Variants in LARS2 observed in about 807,000 individuals in gnomAD.
The protein encoded by LARS2 is leucyl-tRNA synthetase 2, mitochondrial, also known as leucine--tRNA ligase, mitochondrial.
Under a neutral mutation model 116.6 loss-of-function variants are expected in LARS2, and 81 were observed. The observed-to-expected ratio is 0.69, with a 90% CI of 0.58 to 0.84. The LOEUF (loss-of-function observed/expected upper bound fraction) is 0.84, where lower values mean the gene tolerates loss of function less well. Ranked by LOEUF, LARS2 falls within the 40% of genes least tolerant of loss-of-function variation. LARS2 has a pLI of 0.00. For synonymous variants in LARS2, 396 were observed against 407.2 expected (o/e 0.97, Z 0.33); for missense variants, 968 against 1,114.5 (o/e 0.87, Z 1.87).
chr3:45,497,234 T>C (rs573144864), intron 14 of LARS2, among the ~76,000 whole-genome samples: 48 of 152,278 alleles, frequency 3.2e-4, no homozygotes, highest in African/African-American at 1.1e-3. Context: ...CTGTTTTTCA[T>C]TGTAAATCTT....
rs554625114 is a variant in LARS2 at position 45,499,423 on chromosome 3, C to T, written c.1623-1019C>T. On this transcript the variant is annotated intron_variant, in intron 14 of 21. Coordinates refer to ENST00000645846, the MANE Select transcript of LARS2 (RefSeq NM_015340.4). ...CGCCCCTGCAACCGAGCCTGGGTGACAGAGCGAGACTCCGTCTCAAAAAGA... is the reference window on the plus strand; with the variant it reads ...CGCCCCTGCAACCGAGCCTGGGTGATAGAGCGAGACTCCGTCTCAAAAAGA... Among the ~76,000 whole-genome samples, 13 of 151,762 alleles carry T rather than the reference C, an allele frequency of 8.6e-5. No individual in the cohort carries two copies. In the South Asian group the frequency reaches 1.9e-3, roughly 22 times the overall value.
At chr3:45,496,016 C>T (rs940908066) in intron 13 of LARS2, among the ~76,000 whole-genome samples, 3 of 152,238 alleles carry the variant, frequency 2.0e-5, no homozygotes, top group East Asian at 3.9e-4. Flanking sequence ...CACGCCACGA[C>T]GCCCAGCTAA....
At chr3:45,493,263 C>T (rs529962186) in intron 13 of LARS2, among the ~76,000 whole-genome samples, 1 of 152,240 alleles carries the variant, frequency 6.6e-6, no homozygotes, top group Non-Finnish European at 1.5e-5. Flanking sequence ...CCAAGCCCGG[C>T]TAATTTTTTG....
intron 21 of LARS2, among the ~76,000 whole-genome samples, chr3:45,543,561 T>TA (rs889523793): frequency 6.6e-6 from 1 of 152,028 alleles, no homozygotes; most frequent in Non-Finnish European, 1.5e-5. Context: ...AACCTCCACT[T>TA]ACAGCAATTC....
intron 13 of LARS2, among the ~76,000 whole-genome samples, chr3:45,495,913 G>A (rs534112764): frequency 6.6e-6 from 1 of 151,672 alleles, no homozygotes; most frequent in African/African-American, 2.4e-5. Context: ...AGGGTGGAGT[G>A]CAATGGCACG....
At chr3:45,433,765 A>C (rs1180568516) in intron 6 of LARS2, among the ~76,000 whole-genome samples, 1 of 152,106 alleles carries the variant, frequency 6.6e-6, no homozygotes, top group Non-Finnish European at 1.5e-5. Flanking sequence ...TTCTTTAGCC[A>C]TTCCTTTAGA....
chr3:45,476,958 T>C (rs1168525859), intron 10 of LARS2, among the ~76,000 whole-genome samples: 1 of 152,186 alleles, frequency 6.6e-6, no homozygotes, highest in Non-Finnish European at 1.5e-5. Flanking sequence ...CTATTAGGAA[T>C]AGAATCTTCT....
chr3:45,441,321 G>GGCCC (rs1442724091), intron 6 of LARS2, among the ~76,000 whole-genome samples: 1 of 152,124 alleles, frequency 6.6e-6, no homozygotes, highest in East Asian at 1.9e-4. Flanking sequence ...CATTGCACCC[G>GGCCC]GCCCATCACA....
chr3:45,516,575 C>T (rs971459215), intron 17 of LARS2, among the ~76,000 whole-genome samples: 1 of 152,176 alleles, frequency 6.6e-6, no homozygotes, highest in Non-Finnish European at 1.5e-5. Context: ...TGAACAAGCT[C>T]AGCGGTGATT....
intron 4 of LARS2, among the ~76,000 whole-genome samples, chr3:45,406,993 G>A (rs1327701898): frequency 3.3e-5 from 5 of 152,194 alleles, no homozygotes; most frequent in African/African-American, 1.2e-4. Flanking sequence ...TTCTGGTCCA[G>A]AAGCCGGGTG....
intron 20 of LARS2, among the ~76,000 whole-genome samples, chr3:45,526,112 ATCT>A (rs1477593394): frequency 6.6e-6 from 1 of 152,194 alleles, no homozygotes; most frequent in Non-Finnish European, 1.5e-5. Context: ...TTTTCAGTGG[ATCT>A]ACAGGGGAGA....
intron 2 of LARS2, 84 bp from the exon 3 acceptor site, chr3:45,394,348 GA>G: frequency 1.4e-6 from 1 of 711,570 alleles, no homozygotes; most frequent in East Asian, 2.7e-5. Context: ...CACAGGGCCA[GA>G]ACACTGGACT....
At chr3:45,464,154 C>T (rs1208115915) in intron 8 of LARS2, among the ~76,000 whole-genome samples, 1 of 152,060 alleles carries the variant, frequency 6.6e-6, no homozygotes, top group Non-Finnish European at 1.5e-5. Context: ...GTACCTTTAC[C>T]AGAACACACT....
chr3:45,539,319 T>C (rs1208583255), intron 20 of LARS2, among the ~76,000 whole-genome samples: 1 of 152,176 alleles, frequency 6.6e-6, no homozygotes, highest in Non-Finnish European at 1.5e-5. Flanking sequence ...GTAGAAAATC[T>C]GTAACATAGT....
At chr3:45,530,288 C>T (rs547134551) in intron 20 of LARS2, among the ~76,000 whole-genome samples, 8 of 152,024 alleles carry the variant, frequency 5.3e-5, no homozygotes, top group African/African-American at 1.7e-4. Context: ...TATGGGAGGC[C>T]GAGGCGGGCG....
At chr3:45,430,307 C>T (rs1381720523) in intron 6 of LARS2, among the ~76,000 whole-genome samples, 1 of 136,844 alleles carries the variant, frequency 7.3e-6, no homozygotes, top group Non-Finnish European at 1.6e-5. Flanking sequence ...GAGACAGAGT[C>T]TGGCTCTGTC....
At chr3:45,427,828 T>TG (rs1282415027) in intron 6 of LARS2, among the ~76,000 whole-genome samples, 1 of 151,044 alleles carries the variant, frequency 6.6e-6, no homozygotes, top group African/African-American at 2.4e-5. Flanking sequence ...TTTTTTTCTT[T>TG]TTTTTTTTTT....
rs552904076 is a variant in LARS2, at chr3:45,451,801, T to A, written c.606+4821T>A. 3.9e-5 allele frequency among the ~76,000 whole-genome samples: 6 copies of A among 152,194 alleles called. No individual in the cohort carries two copies. In the East Asian group the frequency reaches 1.2e-3, roughly 29 times the overall value. On this transcript the variant is annotated intron_variant, in intron 7 of 21. Coordinates refer to ENST00000645846, the MANE Select transcript of LARS2 (RefSeq NM_015340.4). ...TCTGTAGATCACTTTGTGTAGTATG[T>A]GCATTTTAACAATATTCTTCCAATC...
chr3:45,512,992 G>A, intron 15 of LARS2, 143 bp from the exon 16 acceptor site: 1 of 659,086 alleles, frequency 1.5e-6, no homozygotes. Flanking sequence ...GTTTAAGCTG[G>A]GTTTATAAGT....
Sources: gnomAD v4.1 joint callset for allele counts (sites outside exome capture counted in the v4.1 genomes callset) on GRCh38, gnomAD v4.1.1 for gene constraint, MANE v1.5 for transcripts, NCBI Gene and HGNC (gene_info 2026-07-23, HGNC 2026-07-21) for gene names.